Variants in TRA2B observed in about 807,000 individuals in gnomAD.
TRA2B encodes transformer 2 beta homolog.
In TRA2B, 14 loss-of-function variants were observed where a neutral mutation model predicts 41.7. The observed-to-expected ratio is 0.34, with a 90% CI of 0.22 to 0.53. The LOEUF (loss-of-function observed/expected upper bound fraction) is 0.53, where lower values mean the gene tolerates loss of function less well. Ranked by LOEUF, TRA2B falls within the 20% of genes least tolerant of loss-of-function variation. The pLI, the probability that TRA2B is intolerant of heterozygous loss-of-function variation, is 0.95. For missense variants in TRA2B, 167 were observed against 396.8 expected (o/e 0.42, Z 4.92); for synonymous variants, 130 against 128.8 (o/e 1.01, Z -0.06).
At position 185,935,448 on chromosome 3, in the gene TRA2B, T is replaced by G. The variant is rs959009278; in HGVS notation, c.36+2377A>C. 6.5e-5 allele frequency: 64 copies of G among 985,096 alleles called. No individual in the cohort carries two copies. The Admixed American group carries it at 3.4e-3, about 53-fold the overall frequency. 61.0% of individuals were successfully genotyped at this position (985,096 alleles called of 1,614,324 possible). A position where few individuals can be genotyped will look rare whatever the true frequency, so the allele number is the denominator to read the frequency against. ...AATGTATTCTATTGAGTGATCAAAC[T>G]GAGAATAATTTATCCCACACACCCA... On this transcript the variant is annotated intron_variant, in intron 1 of 8. Coordinates refer to ENST00000453386, the MANE Select transcript of TRA2B (RefSeq NM_004593.3).
In TRA2B at chr3:185,925,564, TGGGAGC is replaced by T. The variant is rs758176248; in HGVS notation, c.227_232del (p.Arg76_Ser77del). 6.2e-7 allele frequency: 1 copy of T among 1,614,212 alleles called. No homozygotes were observed. Among genetic ancestry groups the T allele is most frequent in the Non-Finnish European group, 8.5e-7 (1 of 1,180,036 alleles). ...GTAAGACCTGCTACGTGATCGTCTA[TGGGAGC>T]GGGAGCGAGACCGTGACCGGGTATA... On this transcript the variant is annotated inframe_deletion, in exon 3 of 9. Transcript: ENST00000453386.
intron 1 of TRA2B, chr3:185,936,196 G>T: frequency 1.0e-6 from 1 of 985,344 alleles, no homozygotes; most frequent in Non-Finnish European, 1.2e-6. Flanking sequence ...CCCAATAATT[G>T]AATTTTTCTG....
chr3:185,923,883 G>A lies in TRA2B; in HGVS notation c.435C>T (p.Ala145=), dbSNP rs143859412. Residue 145 remains alanine (A), a synonymous_variant, in exon 4 of 9, where the codon GCC becomes GCT. Transcript: ENST00000453386. The stretch of plus-strand genomic sequence containing the variant: ...GCTGGTCATATACAATAGACACATC[G>A]GCAATGGGACCATATTTAGAGAACA... ...REVFSKYGPI[A]DVSIVYDQQS... 23 of 1,613,898 alleles carry A rather than the reference G, an allele frequency of 1.4e-5. No individual in the cohort carries two copies. The highest frequency in any genetic ancestry group is 6.7e-5 in the East Asian group (3 of 44,870).
chr3:185,919,008 A>G (rs1294823415), intron 7 of TRA2B, among the ~76,000 whole-genome samples: 1 of 152,200 alleles, frequency 6.6e-6, no homozygotes, highest in Non-Finnish European at 1.5e-5. Flanking sequence ...AAATTCCCAT[A>G]CCATTAAATA....
chr3:185,914,662 T>TAC lies in TRA2B; in HGVS notation c.*3052_*3053insGT. Among the ~76,000 whole-genome samples the TAC allele has an allele frequency of 1.3e-5, 2 of 152,266 alleles. No homozygotes were observed. Among genetic ancestry groups the TAC allele is most frequent in the East Asian group, 3.9e-4 (2 of 5,186 alleles). On this transcript the variant is annotated 3_prime_UTR_variant, in exon 9 of 9. Transcript: ENST00000453386. The stretch of plus-strand genomic sequence containing the variant: ...TACATTACTGTAGTAGCATTCTGGC[T>TAC]TTTTGATGACATTTGGCATAAGCTA...
intron 1 of TRA2B, chr3:185,935,876 GA>G (rs781143372): frequency 2.4e-5 from 24 of 985,328 alleles, no homozygotes; most frequent in Non-Finnish European, 2.9e-5. Flanking sequence ...ATCTCGGCCA[GA>G]AAGCGAAGAC....
chr3:185,923,983 G>A lies in TRA2B; in HGVS notation c.335C>T (p.Ala112Val). The A allele has an allele frequency of 6.3e-7, 1 of 1,579,828 alleles. No homozygotes were observed. The highest frequency in any genetic ancestry group is 8.5e-7 in the Non-Finnish European group (1 of 1,170,262). The change falls in exon 4 of 9, where the codon GCA (alanine) becomes GTA (valine). Residue 112 changes from alanine (A) to valine (V), a missense_variant and splice_region_variant. Physicochemically the swap from Ala to Val is moderately conservative, Grantham distance 64. Coordinates refer to ENST00000453386, the MANE Select transcript of TRA2B (RefSeq NM_004593.3). ...AAGACAACAGTTAGGATCAGGATTTGCCTAGGGAAAAAAAAAAGTTTTAAA... is the reference window on the plus strand; with the variant it reads ...AAGACAACAGTTAGGATCAGGATTTACCTAGGGAAAAAAAAAAGTTTTAAA... The part of the protein sequence containing the change: ...STRRRHVGNR[A>V]NPDPNCCLGV...
Position 185,917,850 on chromosome 3 carries a change from C to G in TRA2B, c.857-125G>C, listed in dbSNP as rs183134009. On this transcript the variant is annotated intron_variant, in intron 8 of 8. Transcript: ENST00000453386. ...CCTATGTGCCAGAACCCCACCACCC[C>G]CAAATAGAGAAAGACTTCCATGTAA... The G allele has an allele frequency of 7.3e-4, 635 of 870,078 alleles. 7 individuals are homozygous for G. Among genetic ancestry groups the G allele is most frequent in the Non-Finnish European group, 2.9e-5 (16 of 544,468 alleles). The allele number at this position is 870,078 out of a possible 1,614,324, so 53.9% of individuals were successfully genotyped here.
Position 185,917,520 on chromosome 3 carries a change from T to C in TRA2B, c.*195A>G. ...CATACTTTTCTGAAAACACTTAACT[T>C]GGAACAAAGCACCAAACTACACAAA... is the stretch of plus-strand genomic sequence containing the variant. On this transcript the variant is annotated 3_prime_UTR_variant, in exon 9 of 9. Transcript: ENST00000453386. 1 of 531,286 alleles carries C rather than the reference T, an allele frequency of 1.9e-6. No homozygotes were observed. The highest frequency in any genetic ancestry group is 3.3e-6 in the Non-Finnish European group (1 of 299,958). 32.9% of individuals were successfully genotyped at this position (531,286 alleles called of 1,614,324 possible).
intron 1 of TRA2B, chr3:185,927,946 G>A (rs1225658469): frequency 1.3e-5 from 2 of 152,192 alleles, no homozygotes; most frequent in Non-Finnish European, 2.9e-5. Flanking sequence ...ACTCCAGAGA[G>A]CAGAAATGGC....
chr3:185,931,547 A>G, intron 1 of TRA2B: 1 of 1,165,070 alleles, frequency 8.6e-7, no homozygotes, highest in Non-Finnish European at 1.1e-6. Context: ...AGCAAAATAT[A>G]CAGGGACACA....
intron 5 of TRA2B, 58 bp from the exon 6 acceptor site, chr3:185,921,245 T>C (rs1384699709): frequency 2.8e-6 from 4 of 1,440,122 alleles, no homozygotes; most frequent in African/African-American, 1.4e-5. Context: ...TGAGTTTTTA[T>C]ATCTACTAGT....
In TRA2B at chr3:185,921,993, T is replaced by C. The variant is rs535069382; in HGVS notation, c.638+18A>G. Reference sequence around the variant, plus strand: ...AGTGAAAAACTGCCAATTATATTTATTTTGAAAATAAACTTACTAGGTAGG... The same window carrying C: ...AGTGAAAAACTGCCAATTATATTTACTTTGAAAATAAACTTACTAGGTAGG... On this transcript the variant is annotated intron_variant, in intron 5 of 8. Transcript: ENST00000453386. 2 of 1,578,266 alleles carry C rather than the reference T, an allele frequency of 1.3e-6. No homozygotes were observed. The highest frequency in any genetic ancestry group is 1.4e-5 in the African/African-American group (1 of 73,922).
At chr3:185,937,737 C>A (rs1055490316) in intron 1 of TRA2B, 88 bp downstream of exon 1, 19 of 1,584,236 alleles carry the variant, frequency 1.2e-5, no homozygotes, top group Non-Finnish European at 1.5e-5. Context: ...CTAAAACGCC[C>A]CTGCCTCCTG....
intron 1 of TRA2B, chr3:185,931,601 G>A: frequency 7.8e-7 from 1 of 1,277,676 alleles, no homozygotes; most frequent in Non-Finnish European, 9.9e-7. Flanking sequence ...TCTGATTCCA[G>A]ATTACTTCTT....
chr3:185,924,108 C>CGTTT, intron 3 of TRA2B, 124 bp from the exon 4 acceptor site: 1 of 757,088 alleles, frequency 1.3e-6, no homozygotes, highest in South Asian at 2.9e-5. Flanking sequence ...TTAGACCAAA[C>CGTTT]ACTGCTTAGA....
chr3:185,934,610 T>A, intron 1 of TRA2B: 1 of 985,416 alleles, frequency 1.0e-6, no homozygotes, highest in South Asian at 4.7e-5. Context: ...GACAATTCAA[T>A]CCTTTTTTAA....
At chr3:185,934,988 A>T (rs1254465672) in intron 1 of TRA2B, 1 of 985,340 alleles carries the variant, frequency 1.0e-6, no homozygotes, top group Non-Finnish European at 1.2e-6. Context: ...ACTCACTCGT[A>T]GAAACTCATT....
chr3:185,926,836 C>T, intron 1 of TRA2B, 102 bp from the exon 2 acceptor site: 1 of 1,421,888 alleles, frequency 7.0e-7, no homozygotes, highest in African/African-American at 1.4e-5. Context: ...AATCCCCTTC[C>T]AAGATAAGAA....
Sources: allele counts gnomAD v4.1 joint callset (sites outside exome capture counted in the v4.1 genomes callset), GRCh38; gene constraint gnomAD v4.1.1; transcripts MANE v1.5; gene names NCBI Gene and HGNC (gene_info 2026-07-23, HGNC 2026-07-21).